CNTN1: variants seen among roughly 807,000 people sequenced by gnomAD.
CNTN1 encodes the protein contactin 1.
CNTN1 carries 38 observed loss-of-function variants against 126.4 expected under a neutral mutation model. That is an observed-to-expected ratio of 0.30 (90% CI 0.23 to 0.39). The LOEUF is 0.39. Ranked by LOEUF, CNTN1 falls within the 10% of genes least tolerant of loss-of-function variation. The pLI is 1.00. For synonymous variants in CNTN1, 413 were observed against 422.6 expected (o/e 0.98, Z 0.28); for missense variants, 1,009 against 1,248.4 (o/e 0.81, Z 2.89).
At chr12:40,901,368 C>T (rs1455493253) in intron 1 of CNTN1, among the ~76,000 whole-genome samples, 1 of 152,194 alleles carries the variant, frequency 6.6e-6, no homozygotes, top group African/African-American at 2.4e-5. Flanking sequence ...CCAGGGTCCA[C>T]TTAACACCAT....
At chr12:40,891,892 A>C (rs1047764427) in intron 1 of CNTN1, among the ~76,000 whole-genome samples, 1 of 151,966 alleles carries the variant, frequency 6.6e-6, no homozygotes, top group Non-Finnish European at 1.5e-5. Flanking sequence ...TCTCTATGTA[A>C]ACCTTAGAAT....
At chr12:40,811,399 A>G (rs766153459) in intron 1 of CNTN1, among the ~76,000 whole-genome samples, 8 of 152,140 alleles carry the variant, frequency 5.3e-5, no homozygotes, top group Non-Finnish European at 1.2e-4. Context: ...TGGCTTTGGT[A>G]TAAGGATAAA....
intron 1 of CNTN1, among the ~76,000 whole-genome samples, chr12:40,810,594 A>AT (rs35584090): frequency 0.015 from 2,260 of 148,114 alleles, 46 homozygotes; most frequent in African/African-American, 0.047. Context: ...TATGAGATTG[A>AT]TTTTTTTTTT....
At chr12:40,696,368 T>G (rs1323890239) in intron 1 of CNTN1, among the ~76,000 whole-genome samples, 1 of 152,244 alleles carries the variant, frequency 6.6e-6, no homozygotes, top group Non-Finnish European at 1.5e-5. Context: ...TATTTTCAAC[T>G]CTAATTTGTA....
At chr12:41,064,259 T>A (rs536927106) in intron 23 of CNTN1, among the ~76,000 whole-genome samples, 27 of 152,100 alleles carry the variant, frequency 1.8e-4, no homozygotes, top group African/African-American at 6.3e-4. Context: ...GGCATTCAAT[T>A]ATCTGCTCCA....
At chr12:40,709,425 A>T (rs1215248204) in intron 1 of CNTN1, among the ~76,000 whole-genome samples, 1 of 152,184 alleles carries the variant, frequency 6.6e-6, no homozygotes, top group Non-Finnish European at 1.5e-5. Flanking sequence ...AGTGCCCTAG[A>T]ATTTTCAGAA....
At chr12:40,908,982 G>A (rs570274751) in intron 2 of CNTN1, among the ~76,000 whole-genome samples, 1 of 152,072 alleles carries the variant, frequency 6.6e-6, no homozygotes, top group Non-Finnish European at 1.5e-5. Flanking sequence ...TTATTCATTT[G>A]TAAATTAATA....
chr12:41,045,582 A>T (rs1949523688), intron 23 of CNTN1, among the ~76,000 whole-genome samples: 1 of 152,148 alleles, frequency 6.6e-6, no homozygotes, highest in Admixed American at 6.6e-5. Flanking sequence ...GTGATATGTC[A>T]ACATATTAAA....
chr12:40,759,793 T>TC (rs1248420233), intron 1 of CNTN1, among the ~76,000 whole-genome samples: 5 of 148,536 alleles, frequency 3.4e-5, no homozygotes, highest in South Asian at 2.1e-4. Context: ...TTTTTTTTTT[T>TC]CAAAAAGCCA....
chr12:40,845,919 G>C (rs1429956683), intron 1 of CNTN1, among the ~76,000 whole-genome samples: 1 of 152,200 alleles, frequency 6.6e-6, no homozygotes, highest in African/African-American at 2.4e-5. Context: ...TAGTGGAATG[G>C]AAATTAAATA....
intron 1 of CNTN1, among the ~76,000 whole-genome samples, chr12:40,852,730 TCTC>T (rs1035685258): frequency 6.6e-6 from 1 of 152,104 alleles, no homozygotes; most frequent in African/African-American, 2.4e-5. Context: ...AATTCCCTCT[TCTC>T]CTACCTCTGA....
intron 16 of CNTN1, among the ~76,000 whole-genome samples, chr12:40,982,675 T>C (rs888433695): frequency 6.6e-6 from 1 of 152,060 alleles, no homozygotes; most frequent in African/African-American, 2.4e-5. Context: ...GCAGTATGTA[T>C]AGGTGAGTAG....
At position 40,971,743 on chromosome 12, in the gene CNTN1, A is replaced by G. The variant is rs183488130; in HGVS notation, c.1805-9166A>G. 45 of 1,274,550 alleles carry G rather than the reference A, an allele frequency of 3.5e-5. No individual in the cohort carries two copies. In the African/African-American group the frequency reaches 7.0e-4, roughly 20 times the overall value. 79.0% of individuals were successfully genotyped at this position (1,274,550 alleles called of 1,614,324 possible). ...AAAATGCCTAGTGAACTAACTCAGT[A>G]CATTATATAATGGCCAAGTGAAAGT... On this transcript the variant is annotated intron_variant, in intron 15 of 23. Transcript: ENST00000551295.
chr12:41,051,493 T>G (rs1410089783), intron 23 of CNTN1, among the ~76,000 whole-genome samples: 1 of 151,990 alleles, frequency 6.6e-6, no homozygotes, highest in Non-Finnish European at 1.5e-5. Context: ...TGAATTGTAC[T>G]TTAGTCTTAT....
At chr12:40,814,656 T>C (rs1941198342) in intron 1 of CNTN1, among the ~76,000 whole-genome samples, 1 of 152,218 alleles carries the variant, frequency 6.6e-6, no homozygotes, top group Non-Finnish European at 1.5e-5. Context: ...TTCTTTTGGC[T>C]TAGGAATGTC....
At chr12:40,779,118 A>C (rs565002217) in intron 1 of CNTN1, among the ~76,000 whole-genome samples, 3 of 151,954 alleles carry the variant, frequency 2.0e-5, no homozygotes, top group Admixed American at 2.0e-4. Flanking sequence ...CAAAATAAAT[A>C]ATCTTTATTT....
At chr12:40,950,956 G>A (rs906004648) in intron 14 of CNTN1, among the ~76,000 whole-genome samples, 2 of 151,344 alleles carry the variant, frequency 1.3e-5, no homozygotes, top group African/African-American at 4.8e-5. Context: ...ATGGAATTAA[G>A]CATATATATA....
chr12:41,014,990 T>TA (rs1228825668), intron 18 of CNTN1, among the ~76,000 whole-genome samples: 1 of 152,194 alleles, frequency 6.6e-6, no homozygotes, highest in Non-Finnish European at 1.5e-5. Context: ...TAAATACACT[T>TA]AGTGTTGAAT....
intron 1 of CNTN1, among the ~76,000 whole-genome samples, chr12:40,744,232 T>G (rs558802131): frequency 1.2e-3 from 183 of 151,850 alleles, no homozygotes; most frequent in Admixed American, 5.1e-3. Flanking sequence ...CAAACCACCA[T>G]GACACACATT....
Sources: allele counts gnomAD v4.1 joint callset (sites outside exome capture counted in the v4.1 genomes callset), GRCh38; gene constraint gnomAD v4.1.1; transcripts MANE v1.5; gene names NCBI Gene and HGNC (gene_info 2026-07-23, HGNC 2026-07-21).